Variants in OR4D2 observed in about 807,000 individuals in gnomAD.
The protein encoded by OR4D2 is olfactory receptor 4D2.
A neutral mutation model predicts 12.4 loss-of-function variants in OR4D2; 9 were observed. The ratio of observed to expected loss-of-function variants is 0.73; its 90% CI spans 0.44 to 1.27. The LOEUF is 1.27. Among genes scored for constraint, OR4D2 ranks in the 50% most tolerant of loss-of-function variants. OR4D2 has a pLI of 0.00. For synonymous variants in OR4D2, 151 were observed against 151.1 expected, an observed-to-expected ratio of 1.00 and a Z score of 0.01; for missense variants, 373 against 381.6, an observed-to-expected ratio of 0.98 and a Z score of 0.19.
rs1416571936 is a variant in OR4D2 at position 58,170,276 on chromosome 17, T to A, written c.621T>A (p.Asp207Glu). 1 of 1,614,066 alleles carries A rather than the reference T, an allele frequency of 6.2e-7. No individual in the cohort carries two copies. The highest frequency in any genetic ancestry group is 8.5e-7 in the Non-Finnish European group (1 of 1,180,030). ...AGATCTCCAACAGTGGGCTGCTGGATGTCGTCTGGTTCTTCCTCCTCCTGA... is the reference window on the plus strand; with the variant it reads ...AGATCTCCAACAGTGGGCTGCTGGAAGTCGTCTGGTTCTTCCTCCTCCTGA... Reference protein sequence around the residue: ...FLKISNSGLLDVVWFFLLLMS... With the variant: ...FLKISNSGLLEVVWFFLLLMS... The change falls in exon 2 of 2, where the codon GAT becomes GAA. Residue 207 changes from aspartate (D) to glutamate (E), a missense_variant. Transcript: ENST00000545221.
intron 1 of OR4D2, among the ~76,000 whole-genome samples, chr17:58,168,943 A>G (rs1967924709): frequency 6.6e-6 from 1 of 152,220 alleles, no homozygotes. Context: ...CAACACCAAG[A>G]GCTTTTTAAG....
chr17:58,168,617 C>T lies in OR4D2; in HGVS notation c.-18-1021C>T, dbSNP rs148381246. On this transcript the variant is annotated intron_variant, in intron 1 of 1. Transcript: ENST00000545221. ...CCTTCATCTCCCTTTATTCCTTTGTCTATTTCTATTTGTTTTCTTTCAACA... is the reference window on the plus strand; with the variant it reads ...CCTTCATCTCCCTTTATTCCTTTGTTTATTTCTATTTGTTTTCTTTCAACA... Among the ~76,000 whole-genome samples the T allele has an allele frequency of 4.3e-3, 655 of 152,286 alleles. 6 individuals carry two copies. The highest frequency in any genetic ancestry group is 0.015 in the African/African-American group (614 of 41,562).
rs568882234 is a variant in OR4D2, at chr17:58,169,708, C to G, written c.53C>G (p.Ser18Trp). The change falls in exon 2 of 2, where the codon TCG becomes TGG. Residue 18 changes from serine to tryptophan, a missense_variant. By Grantham distance (177) the Ser-to-Trp change is radical. Coordinates refer to ENST00000545221, the MANE Select transcript of OR4D2 (RefSeq NM_001004707.4). ...TCAGACTTTGTCTTCCTGGGGCTCT[C>G]GCAGACTCGGGAGCTCCAGCGTTTC... ...WVSDFVFLGL[S>W]QTRELQRFLF... The G allele has an allele frequency of 6.2e-7, 1 of 1,614,104 alleles. No individual in the cohort carries two copies. Among genetic ancestry groups the G allele is most frequent in the Non-Finnish European group, 8.5e-7 (1 of 1,180,006 alleles).
intron 1 of OR4D2, among the ~76,000 whole-genome samples, chr17:58,168,157 G>A (rs1440653527): frequency 6.6e-6 from 1 of 151,100 alleles, no homozygotes; most frequent in Non-Finnish European, 1.5e-5. Flanking sequence ...GGGGAGGGGG[G>A]AGACCACTGA....
rs765844948 is a variant in OR4D2 at position 58,170,537 on chromosome 17, G to A, written c.882G>A (p.Met294Ile). 3 of 1,614,222 alleles carry A rather than the reference G, an allele frequency of 1.9e-6. No homozygotes were observed. The highest frequency in any genetic ancestry group is 2.5e-6 in the Non-Finnish European group (3 of 1,180,024). The change falls in exon 2 of 2, where the codon ATG (methionine) becomes ATA (isoleucine). Residue 294 changes from methionine to isoleucine, a missense_variant. Met to Ile is a conservative substitution (Grantham distance 10). Coordinates refer to ENST00000545221, the MANE Select transcript of OR4D2 (RefSeq NM_001004707.4). ...TCTATACCCTGAGGAACCAGGACATGCAGGCAGCAGTGAGAAGATTAGGGA... is the reference window on the plus strand; with the variant it reads ...TCTATACCCTGAGGAACCAGGACATACAGGCAGCAGTGAGAAGATTAGGGA... ...PMIYTLRNQD[M>I]QAAVRRLGRH...
At chr17:58,168,042 AGTAAACTGAAG>A (rs576787073) in intron 1 of OR4D2, among the ~76,000 whole-genome samples, 50 of 147,146 alleles carry the variant, frequency 3.4e-4, no homozygotes, top group African/African-American at 1.2e-3. Flanking sequence ...CTGGAGTGGA[AGTAAACTGAAG>A]GAGCAGAATA....
In OR4D2 at chr17:58,169,895, A is replaced by G; in HGVS notation, c.240A>G (p.Lys80=). Residue 80 remains lysine (K), a synonymous_variant, in exon 2 of 2, where the codon AAA becomes AAG. Coordinates refer to ENST00000545221, the MANE Select transcript of OR4D2 (RefSeq NM_001004707.4). ...GTTTCTCTTCAGTCACTGCTCCCAAAATGCTAGTGGACCTCCTCTCTGAGA... is the reference window on the plus strand; with the variant it reads ...GTTTCTCTTCAGTCACTGCTCCCAAGATGCTAGTGGACCTCCTCTCTGAGA... ...DLCFSSVTAP[K]MLVDLLSEKK... is the part of the protein sequence containing the mutation. The G allele has an allele frequency of 6.2e-7, 1 of 1,613,948 alleles. No homozygotes were observed.
Position 58,169,671 on chromosome 17 carries a change from C to T in OR4D2, c.16C>T (p.Leu6Phe), listed in dbSNP as rs767182018. Reference sequence around the variant, plus strand: ...AGAAAACACCATGGAAACAGGGAACCTCACGTGGGTATCAGACTTTGTCTT... The same window carrying T: ...AGAAAACACCATGGAAACAGGGAACTTCACGTGGGTATCAGACTTTGTCTT... Reference protein sequence around the residue: METGNLTWVSDFVFLG... With the variant: METGNFTWVSDFVFLG... The change falls in exon 2 of 2, where the codon CTC becomes TTC. Residue 6 changes from leucine to phenylalanine, a missense_variant. Transcript: ENST00000545221. 1.2e-6 allele frequency: 2 copies of T among 1,613,842 alleles called. No homozygotes were observed. The highest frequency in any genetic ancestry group is 4.5e-5 in the East Asian group (2 of 44,872).
In OR4D2 at chr17:58,170,743, T is replaced by C; in HGVS notation, c.*164T>C. ...TGTTTTAGGAAAAAAGAAAGTATCCTCTTTGGTGGTTAAGGTTTGTGATAA... is the reference window on the plus strand; with the variant it reads ...TGTTTTAGGAAAAAAGAAAGTATCCCCTTTGGTGGTTAAGGTTTGTGATAA... On this transcript the variant is annotated 3_prime_UTR_variant, in exon 2 of 2. Coordinates refer to ENST00000545221, the MANE Select transcript of OR4D2 (RefSeq NM_001004707.4). 1.6e-6 allele frequency: 1 copy of C among 629,784 alleles called. No individual in the cohort carries two copies. Among genetic ancestry groups the C allele is most frequent in the South Asian group, 1.9e-5 (1 of 51,578 alleles). 39.0% of individuals were successfully genotyped at this position (629,784 alleles called of 1,614,324 possible).
chr17:58,170,037 C>T lies in OR4D2; in HGVS notation c.382C>T (p.Arg128Trp), dbSNP rs1367903416. 17 of 1,614,104 alleles carry T rather than the reference C, an allele frequency of 1.1e-5. No homozygotes were observed. The highest frequency in any genetic ancestry group is 1.3e-5 in the African/African-American group (1 of 75,034). The change falls in exon 2 of 2, where the codon CGG becomes TGG. Residue 128 changes from arginine to tryptophan, a missense_variant. By Grantham distance (101) the Arg-to-Trp change is moderately radical (BLOSUM62 -3). Transcript: ENST00000545221. ...CTTTGACCGCCTCATTGCCATCTCC[C>T]GGCCCCTCCGCTATGTCACCGTCAT... ...MAFDRLIAIS[R>W]PLRYVTVMNT...
At position 58,170,524 on chromosome 17, in the gene OR4D2, G is replaced by A. The variant is rs73993621; in HGVS notation, c.869G>A (p.Arg290Lys). Residue 290 changes from arginine (R) to lysine (K), a missense_variant, in exon 2 of 2, where the codon AGG becomes AAG. Arg to Lys is a conservative substitution (Grantham distance 26, BLOSUM62 2). Transcript: ENST00000545221. ...PMLNPMIYTL[R>K]NQDMQAAVRR... ...CTCAACCCCATGATCTATACCCTGA[G>A]GAACCAGGACATGCAGGCAGCAGTG... 5.3e-3 allele frequency: 8,567 copies of A among 1,614,140 alleles called. 416 individuals carry two copies. In the African/African-American group the frequency reaches 0.1, roughly 19 times the overall value.
In OR4D2 at chr17:58,169,845, C is replaced by G; in HGVS notation, c.190C>G (p.Arg64Gly). 6.2e-7 allele frequency: 1 copy of G among 1,614,166 alleles called. No individual in the cohort carries two copies. ...QLHTPMYFLL[R>G]NLAVLDLCFS... Reference sequence around the variant, plus strand: ...CCACACACCCATGTACTTTCTGCTCCGAAACCTGGCTGTCCTAGACCTCTG... The same window carrying G: ...CCACACACCCATGTACTTTCTGCTCGGAAACCTGGCTGTCCTAGACCTCTG... The change falls in exon 2 of 2, where the codon CGA becomes GGA. Residue 64 changes from arginine to glycine, a missense_variant. By Grantham distance (125) the Arg-to-Gly change is moderately radical. Coordinates refer to ENST00000545221, the MANE Select transcript of OR4D2 (RefSeq NM_001004707.4).
At chr17:58,169,466 T>C in intron 1 of OR4D2, 172 bp from the exon 2 acceptor site, 1 of 611,868 alleles carries the variant, frequency 1.6e-6, no homozygotes, top group Non-Finnish European at 2.9e-6. Flanking sequence ...TTCAGGAATG[T>C]ATATTCCAGC....
intron 1 of OR4D2, among the ~76,000 whole-genome samples, chr17:58,169,014 GC>G (rs5821217): frequency 0.17 from 26,202 of 152,152 alleles, 2,495 homozygotes; most frequent in African/African-American, 0.26. Flanking sequence ...CCAGATATAG[GC>G]TTTGGACTTA....
intron 1 of OR4D2, among the ~76,000 whole-genome samples, chr17:58,168,487 C>T (rs770639942): frequency 1.2e-4 from 19 of 152,142 alleles, no homozygotes; most frequent in African/African-American, 2.2e-4. Context: ...GGACTACAGG[C>T]GTGAGCCACC....
chr17:58,167,561 G>C (rs983043452), intron 1 of OR4D2, among the ~76,000 whole-genome samples: 4 of 152,180 alleles, frequency 2.6e-5, no homozygotes, highest in African/African-American at 9.7e-5. Flanking sequence ...TTGCATGCAC[G>C]TATGTAGGTA....
At position 58,169,933 on chromosome 17, in the gene OR4D2, C is replaced by T; in HGVS notation, c.278C>T (p.Ser93Phe). ...CTCCTCTCTGAGAAGAAAACCATCT[C>T]TTACCAGGGCTGCATGGGTCAGATC... ...VDLLSEKKTI[S>F]YQGCMGQIFF... is the part of the protein sequence containing the mutation. The change falls in exon 2 of 2, where the codon TCT becomes TTT. Residue 93 changes from serine (S) to phenylalanine (F), a missense_variant. Ser to Phe is a radical substitution (Grantham distance 155, BLOSUM62 -2). Transcript: ENST00000545221. The T allele has an allele frequency of 6.2e-7, 1 of 1,614,144 alleles. No homozygotes were observed. Among genetic ancestry groups the T allele is most frequent in the Non-Finnish European group, 8.5e-7 (1 of 1,180,024 alleles).
At position 58,170,004 on chromosome 17, in the gene OR4D2, G is replaced by C. The variant is rs756220503; in HGVS notation, c.349G>C (p.Val117Leu). 1.2e-6 allele frequency: 2 copies of C among 1,614,066 alleles called. No homozygotes were observed. The highest frequency in any genetic ancestry group is 2.2e-5 in the South Asian group (2 of 91,064). ...AGGTGCCATGGTCTTCTTCCTCTCA[G>C]TGATGGCCTTTGACCGCCTCATTGC... ...LGGAMVFFLS[V>L]MAFDRLIAIS... Residue 117 changes from valine (V) to leucine (L), a missense_variant, in exon 2 of 2, where the codon GTG becomes CTG. Coordinates refer to ENST00000545221, the MANE Select transcript of OR4D2 (RefSeq NM_001004707.4).
rs368248046 is a variant in OR4D2 at position 58,171,027 on chromosome 17, G to A, written c.*448G>A. On this transcript the variant is annotated 3_prime_UTR_variant, in exon 2 of 2. Coordinates refer to ENST00000545221, the MANE Select transcript of OR4D2 (RefSeq NM_001004707.4). The stretch of plus-strand genomic sequence containing the variant: ...CATCATTGACCAAACTGATGACTTC[G>A]AGTAAGCCACCCAGCTTTTCTTGGC... 6.0e-6 allele frequency: 1 copy of A among 167,298 alleles called. No homozygotes were observed. The highest frequency in any genetic ancestry group is 2.4e-5 in the African/African-American group (1 of 41,424). The allele number at this position is 167,298 out of a possible 1,614,324, so 10.4% of individuals were successfully genotyped here.
Sources: gnomAD v4.1 joint callset for allele counts (sites outside exome capture counted in the v4.1 genomes callset) on GRCh38, gnomAD v4.1.1 for gene constraint, MANE v1.5 for transcripts, NCBI Gene and HGNC (gene_info 2026-07-23, HGNC 2026-07-21) for gene names.